The following MIIP variants were observed in gnomAD, a reference collection of about 807,000 sequenced individuals.
MIIP encodes the protein migration and invasion-inhibitory protein.
MIIP carries 44 observed loss-of-function variants against 44.8 expected under a neutral mutation model. That is an observed-to-expected ratio of 0.98 (90% CI 0.77 to 1.26). MIIP has a LOEUF of 1.26. Ranked by LOEUF, MIIP falls within the 50% of genes most tolerant of loss-of-function variation. MIIP has a pLI of 0.00. For synonymous variants in MIIP, 225 were observed against 218.3 expected, an observed-to-expected ratio of 1.03 and a Z score of -0.27; for missense variants, 496 against 511.7, an observed-to-expected ratio of 0.97 and a Z score of 0.30.
intron 4 of MIIP, chr1:12,024,096 T>G (rs1015633329): frequency 2.6e-5 from 4 of 152,068 alleles, no homozygotes; most frequent in African/African-American, 9.7e-5. Context: ...AGTATACAAT[T>G]GCGATAACTC....
intron 1 of MIIP, among the ~76,000 whole-genome samples, chr1:12,021,311 G>A (rs935189029): frequency 3.3e-5 from 5 of 151,382 alleles, no homozygotes; most frequent in Admixed American, 6.6e-5. Context: ...GGAGAATGGC[G>A]TGAACCCGGG....
intron 4 of MIIP, 23 bp downstream of exon 4, chr1:12,022,940 A>G: frequency 6.3e-7 from 1 of 1,585,550 alleles, no homozygotes; most frequent in Non-Finnish European, 8.6e-7. Flanking sequence ...GTTGCCCTGC[A>G]CACACTTTGC....
In MIIP at chr1:12,022,817, G is replaced by T; in HGVS notation, c.463-16G>T. 1 of 1,592,028 alleles carries T rather than the reference G, an allele frequency of 6.3e-7. No individual in the cohort carries two copies. The highest frequency in any genetic ancestry group is 8.6e-7 in the Non-Finnish European group (1 of 1,166,560). ...CTCTTGGCTTAGTCCTTGTCCCTCT[G>T]TGCTTCCTTCCTCAGCCCAGGGTGA... On this transcript the variant is annotated splice_polypyrimidine_tract_variant and intron_variant, in intron 3 of 9. Transcript: ENST00000235332.
intron 2 of MIIP, 116 bp downstream of exon 2, chr1:12,021,956 A>G: frequency 8.1e-7 from 1 of 1,227,492 alleles, no homozygotes; most frequent in Non-Finnish European, 1.1e-6. Flanking sequence ...TGGGACATTG[A>G]GGGCTGGGGA....
Position 12,022,215 on chromosome 1 carries a change from G to T in MIIP, c.235G>T (p.Ala79Ser), listed in dbSNP as rs760757327. The part of the protein sequence containing the change: ...GRSSVWGPPD[A>S]CRGDLRDVAR... Reference sequence around the variant, plus strand: ...GTCCTCCGTGTGGGGCCCACCAGATGCCTGTCGAGGGGACCTCCGTGATGT... The same window carrying T: ...GTCCTCCGTGTGGGGCCCACCAGATTCCTGTCGAGGGGACCTCCGTGATGT... The change falls in exon 3 of 10, where the codon GCC (alanine) becomes TCC (serine). Residue 79 changes from alanine (A) to serine (S), a missense_variant. Transcript: ENST00000235332. 60 of 1,613,000 alleles carry T rather than the reference G, an allele frequency of 3.7e-5. No individual in the cohort carries two copies. The South Asian group carries it at 6.0e-4, about 16-fold the overall frequency.
At chr1:12,022,751 G>T in intron 3 of MIIP, 82 bp from the exon 4 acceptor site, 1 of 1,098,256 alleles carries the variant, frequency 9.1e-7, no homozygotes. Context: ...TTAAGACACA[G>T]TCTCTCTGTC....
intron 8 of MIIP, chr1:12,031,025 T>C: frequency 3.8e-6 from 2 of 528,074 alleles, no homozygotes; most frequent in Non-Finnish European, 6.8e-6. Flanking sequence ...GGAAGTACCC[T>C]GTGAATGTCA....
Position 12,021,169 on chromosome 1 carries a change from C to T in MIIP, c.-82-476C>T, listed in dbSNP as rs554512081. On this transcript the variant is annotated intron_variant, in intron 1 of 9. Coordinates refer to ENST00000235332, the MANE Select transcript of MIIP (RefSeq NM_021933.4). ...CAGCACTTTGGGAGACCGAGGCAGG[C>T]GGATCACAAGGTCATGAGATCGAGA... is the stretch of plus-strand genomic sequence containing the variant. 2.2e-3 allele frequency among the ~76,000 whole-genome samples: 341 copies of T among 152,048 alleles called. 1 individual carries two copies. Among genetic ancestry groups the T allele is most frequent in the Non-Finnish European group, 3.8e-3 (255 of 67,972 alleles).
chr1:12,028,619 T>G, intron 4 of MIIP: 1 of 178,852 alleles, frequency 5.6e-6, no homozygotes, highest in South Asian at 1.2e-4. Context: ...CATACTAGGC[T>G]CTGACGCTGC....
At chr1:12,031,548 C>A in intron 9 of MIIP, 145 bp downstream of exon 9, 1 of 1,576,276 alleles carries the variant, frequency 6.3e-7, no homozygotes, top group Non-Finnish European at 8.6e-7. Flanking sequence ...CAGGGTCCAG[C>A]CCTCCAGCCC....
At chr1:12,031,598 G>A (rs552459889) in intron 9 of MIIP, 124 bp from the exon 10 acceptor site, 7 of 1,609,514 alleles carry the variant, frequency 4.3e-6, no homozygotes, top group South Asian at 3.3e-5. Flanking sequence ...GCTCCCTGCC[G>A]CCTGCCCTGC....
chr1:12,021,693 A>G lies in MIIP; in HGVS notation c.-34A>G, dbSNP rs1314926930. 2 of 1,592,300 alleles carry G rather than the reference A, an allele frequency of 1.3e-6. No individual in the cohort carries two copies. The highest frequency in any genetic ancestry group is 1.7e-6 in the Non-Finnish European group (2 of 1,163,996). ...CAGCCCTGAGGACATCCTGCGGCCC[A>G]GGGGCAAGTGACACCTGCTGAGAGA... On this transcript the variant is annotated 5_prime_UTR_variant, in exon 2 of 10. Transcript: ENST00000235332.
chr1:12,023,917 C>T (rs1385871264), intron 4 of MIIP: 1 of 152,096 alleles, frequency 6.6e-6, no homozygotes, highest in Non-Finnish European at 1.5e-5. Flanking sequence ...TTGCTTGAAC[C>T]CGGGAGGCGG....
chr1:12,031,885 A>ATTCC lies in MIIP; in HGVS notation c.*77_*78insTTCC. ...TCTGGCAGGCGCACCCAGGAGATGG[A>ATTCC]ATCCCCTGCCCGCCCAGCTCAGGCC... is the stretch of plus-strand genomic sequence containing the variant. On this transcript the variant is annotated 3_prime_UTR_variant, in exon 10 of 10. Transcript: ENST00000235332. 1 of 1,419,042 alleles carries ATTCC rather than the reference A, an allele frequency of 7.0e-7. No individual in the cohort carries two copies. Among genetic ancestry groups the ATTCC allele is most frequent in the Non-Finnish European group, 9.8e-7 (1 of 1,018,310 alleles). 87.9% of individuals were successfully genotyped at this position (1,419,042 alleles called of 1,614,324 possible). A position where few individuals can be genotyped will look rare whatever the true frequency, so the allele number is the denominator to read the frequency against.
At chr1:12,028,473 A>G (rs751420265) in intron 4 of MIIP, among the ~76,000 whole-genome samples, 8 of 151,742 alleles carry the variant, frequency 5.3e-5, no homozygotes, top group Non-Finnish European at 8.8e-5. Flanking sequence ...AACCATGCAC[A>G]TGCCCACCCC....
intron 4 of MIIP, chr1:12,023,962 C>G (rs183230481): frequency 6.6e-6 from 1 of 152,124 alleles, no homozygotes; most frequent in Admixed American, 6.6e-5. Context: ...CCACTGCACT[C>G]CAGCCTGGGT....
chr1:12,021,529 G>A (rs1639975594), intron 1 of MIIP, 116 bp from the exon 2 acceptor site: 1 of 581,888 alleles, frequency 1.7e-6, no homozygotes, highest in Non-Finnish European at 3.1e-6. Flanking sequence ...AGGAAACTGA[G>A]GCACAGAGAA....
chr1:12,029,826 CT>C lies in MIIP; in HGVS notation c.778del (p.Cys260AlafsTer24). 6 of 1,613,358 alleles carry C rather than the reference CT, an allele frequency of 3.7e-6. No individual in the cohort carries two copies. Among genetic ancestry groups the C allele is most frequent in the Non-Finnish European group, 5.1e-6 (6 of 1,179,686 alleles). ...FPVPVDPGTP[C>X]RLCRTPRDQQ... Reference sequence around the variant, plus strand: ...CGGTGCCTGTGGATCCCGGTACCCCCTGCCGCCTGTGCAGGACACCGCGAGA... The same window carrying C: ...CGGTGCCTGTGGATCCCGGTACCCCCGCCGCCTGTGCAGGACACCGCGAGA... On this transcript the variant is annotated frameshift_variant, in exon 7 of 10. Coordinates refer to ENST00000235332, the MANE Select transcript of MIIP (RefSeq NM_021933.4). LOFTEE classifies it high-confidence loss of function.
At chr1:12,030,391 G>T (rs1640213760) in intron 8 of MIIP, among the ~76,000 whole-genome samples, 1 of 151,928 alleles carries the variant, frequency 6.6e-6, no homozygotes, top group African/African-American at 2.4e-5. Flanking sequence ...TTTGTGTACT[G>T]CAGGCACAGT....
Sources: gnomAD v4.1 joint callset for allele counts (sites outside exome capture counted in the v4.1 genomes callset) on GRCh38, gnomAD v4.1.1 for gene constraint, MANE v1.5 for transcripts, NCBI Gene and HGNC (gene_info 2026-07-23, HGNC 2026-07-21) for gene names.